Variants in RAD51AP2 observed in about 807,000 individuals in gnomAD.
The protein encoded by RAD51AP2 is RAD51 associated protein 2, also known as RAD51-associated protein 2.
RAD51AP2 carries 67 observed loss-of-function variants against 85.5 expected under a neutral mutation model. The observed-to-expected ratio is 0.78, with a 90% CI of 0.64 to 0.96. The LOEUF (loss-of-function observed/expected upper bound fraction) is 0.96. Among genes scored for constraint, RAD51AP2 ranks in the 40% least tolerant of loss-of-function variants. The pLI is 0.00. For missense variants in RAD51AP2, 1,307 were observed against 1,332.4 expected, an observed-to-expected ratio of 0.98 and a Z score of 0.30; for synonymous variants, 474 against 446.5, an observed-to-expected ratio of 1.06 and a Z score of -0.78.
chr2:17,531,240 A>G, the RAD51AP2 span, among the ~76,000 whole-genome samples: 3 of 152,228 alleles, frequency 2.0e-5, no homozygotes, highest in African/African-American at 7.2e-5. Flanking sequence ...ATAGGCAATA[A>G]TATGGCCATT....
rs1662616029 is a variant in RAD51AP2, at chr2:17,515,236, T to C, written c.3180A>G (p.Glu1060=). ...WKTVPNNGEQ[E]VPNESCYPSR... is the part of the protein sequence containing the mutation. ...TTGGATAACAACTCTCATTAGGAAC[T>C]TCCTGTTCTCCATTATTGGGTACAG... is the stretch of plus-strand genomic sequence containing the variant. The change falls in exon 1 of 3, where the codon GAA becomes GAG. Residue 1060 remains glutamate (E), a synonymous_variant. Coordinates refer to ENST00000399080, the MANE Select transcript of RAD51AP2 (RefSeq NM_001099218.3). The C allele has an allele frequency of 1.2e-6, 2 of 1,610,702 alleles. No homozygotes were observed. Among genetic ancestry groups the C allele is most frequent in the Non-Finnish European group, 1.7e-6 (2 of 1,178,624 alleles).
chr2:17,518,439 C>T lies in RAD51AP2; in HGVS notation c.-24G>A, dbSNP rs1226009740. On this transcript the variant is annotated 5_prime_UTR_variant, in exon 1 of 3. Transcript: ENST00000399080. The stretch of plus-strand genomic sequence containing the variant: ...ATGACAGCGAATGGAAAGGATCTGT[C>T]CGAGTCCCGGCGGGGCTCCAATCCC... The T allele has an allele frequency of 6.3e-7, 1 of 1,595,480 alleles. No homozygotes were observed. Among genetic ancestry groups the T allele is most frequent in the Non-Finnish European group, 8.5e-7 (1 of 1,172,676 alleles).
upstream of RAD51AP2, among the ~76,000 whole-genome samples, chr2:17,522,405 C>T (rs1392234558): frequency 6.6e-6 from 1 of 152,034 alleles, no homozygotes; most frequent in African/African-American, 2.4e-5. Context: ...CCAAAGTTTA[C>T]AGTCATCTTT....
chr2:17,536,778 T>C, the RAD51AP2 span, among the ~76,000 whole-genome samples: 1 of 152,190 alleles, frequency 6.6e-6, no homozygotes, highest in East Asian at 1.9e-4. Context: ...AGAATTTTTA[T>C]TCCCTTCTCT....
the RAD51AP2 span, among the ~76,000 whole-genome samples, chr2:17,534,617 C>T: frequency 2.0e-5 from 3 of 151,800 alleles, no homozygotes; most frequent in Admixed American, 6.6e-5. Flanking sequence ...GTTGATCTCA[C>T]CTATGAAATG....
Position 17,517,264 on chromosome 2 carries a change from G to A in RAD51AP2, c.1152C>T (p.Tyr384=), listed in dbSNP as rs762014163. The A allele has an allele frequency of 1.1e-5, 17 of 1,613,630 alleles. No homozygotes were observed. Among genetic ancestry groups the A allele is most frequent in the South Asian group, 4.4e-5 (4 of 91,074 alleles). The stretch of plus-strand genomic sequence containing the variant: ...GAGATTTTTCCAGCCTGGTAAGTAC[G>A]TAACTGTCCAGACATTCTGCTTCCT... ...NWEEAECLDS[Y]VLTRLEKSQN... The change falls in exon 1 of 3, where the codon TAC becomes TAT. Residue 384 remains tyrosine, a synonymous_variant. Coordinates refer to ENST00000399080, the MANE Select transcript of RAD51AP2 (RefSeq NM_001099218.3).
At chr2:17,519,779 G>GTATC (rs1048673306), upstream of RAD51AP2, among the ~76,000 whole-genome samples, 55 of 152,060 alleles carry the variant, frequency 3.6e-4, no homozygotes, top group African/African-American at 1.1e-3. Context: ...CTACTTCTGT[G>GTATC]TATCTTATGT....
rs367708993 is a variant in RAD51AP2, at chr2:17,515,626, T to C, written c.2790A>G (p.Gln930=). The C allele has an allele frequency of 8.4e-5, 136 of 1,611,998 alleles. No homozygotes were observed. Among genetic ancestry groups the C allele is most frequent in the Admixed American group, 1.5e-4 (9 of 59,776 alleles). ...KNDSALYINH[Q]FETGLSEGND... Reference sequence around the variant, plus strand: ...TCCCTTCACTCAGACCAGTTTCAAATTGATGATTAATATATAATGCAGAGT... The same window carrying C: ...TCCCTTCACTCAGACCAGTTTCAAACTGATGATTAATATATAATGCAGAGT... The change falls in exon 1 of 3, where the codon CAA becomes CAG. Residue 930 remains glutamine, a synonymous_variant. Coordinates refer to ENST00000399080, the MANE Select transcript of RAD51AP2 (RefSeq NM_001099218.3).
upstream of RAD51AP2, among the ~76,000 whole-genome samples, chr2:17,518,633 G>T (rs867579791): frequency 1.1e-4 from 14 of 124,920 alleles, no homozygotes; most frequent in African/African-American, 4.1e-4. Flanking sequence ...CCACCCACGC[G>T]CCCCGGTTGT....
the RAD51AP2 span, among the ~76,000 whole-genome samples, chr2:17,535,643 T>C: frequency 6.6e-6 from 1 of 152,060 alleles, no homozygotes; most frequent in African/African-American, 2.4e-5. Flanking sequence ...TCCAAGCTTC[T>C]AATTTAGAGG....
chr2:17,527,521 T>C, the RAD51AP2 span, among the ~76,000 whole-genome samples: 1 of 152,182 alleles, frequency 6.6e-6, no homozygotes, highest in Non-Finnish European at 1.5e-5. Context: ...ATTGGTCTAG[T>C]TTAGAAGACA....
chr2:17,514,538 G>GC (rs371390663), intron 1 of RAD51AP2, among the ~76,000 whole-genome samples: 12,137 of 151,920 alleles, frequency 0.08, 646 homozygotes, highest in Middle Eastern at 0.13. Context: ...GAGGGCGGCG[G>GC]GGGGGGTGGA....
intron 1 of RAD51AP2, among the ~76,000 whole-genome samples, chr2:17,514,916 T>C (rs530944901): frequency 2.6e-5 from 4 of 152,210 alleles, no homozygotes; most frequent in African/African-American, 7.2e-5. Flanking sequence ...AAACACCTTT[T>C]TTTTTTTTCT....
the RAD51AP2 span, among the ~76,000 whole-genome samples, chr2:17,534,679 T>C: frequency 6.6e-6 from 1 of 152,170 alleles, no homozygotes; most frequent in African/African-American, 2.4e-5. Flanking sequence ...AGTAAAATCA[T>C]TTAAAAGCTA....
chr2:17,520,332 A>G (rs1260081264), upstream of RAD51AP2, among the ~76,000 whole-genome samples: 4 of 152,164 alleles, frequency 2.6e-5, no homozygotes, highest in Non-Finnish European at 5.9e-5. Flanking sequence ...AATGCCACCT[A>G]GAAAATGAAC....
the RAD51AP2 span, among the ~76,000 whole-genome samples, chr2:17,526,902 T>G: frequency 6.6e-6 from 1 of 152,190 alleles, no homozygotes; most frequent in African/African-American, 2.4e-5. Flanking sequence ...TTGCACTTTT[T>G]TTAATGAAAA....
At position 17,517,900 on chromosome 2, in the gene RAD51AP2, A is replaced by T. The variant is rs1245101190; in HGVS notation, c.516T>A (p.Asn172Lys). 1.2e-6 allele frequency: 2 copies of T among 1,614,004 alleles called. No individual in the cohort carries two copies. The highest frequency in any genetic ancestry group is 3.3e-5 in the Admixed American group (2 of 60,008). ...TSIHDIHGIRNENRKQQFVQG... is the reference protein window; with the variant it reads ...TSIHDIHGIRKENRKQQFVQG... ...GGACAAACTGTTGTTTTCGATTCTC[A>T]TTTCTAATTCCATGTATATCGTGTA... Residue 172 changes from asparagine (N) to lysine (K), a missense_variant, in exon 1 of 3, where the codon AAT becomes AAA. By Grantham distance (94) the Asn-to-Lys change is moderately conservative (BLOSUM62 0). Coordinates refer to ENST00000399080, the MANE Select transcript of RAD51AP2 (RefSeq NM_001099218.3).
At chr2:17,537,521 T>TTCA in the RAD51AP2 span, among the ~76,000 whole-genome samples, 2 of 152,220 alleles carry the variant, frequency 1.3e-5, no homozygotes, top group African/African-American at 4.8e-5. Context: ...AATAATGACT[T>TTCA]TCAAGTTTTC....
chr2:17,524,087 A>G, the RAD51AP2 span, among the ~76,000 whole-genome samples: 1 of 151,898 alleles, frequency 6.6e-6, no homozygotes, highest in Non-Finnish European at 1.5e-5. Flanking sequence ...AGGATAACCA[A>G]CAATACATTG....
Sources: gnomAD v4.1 joint callset for allele counts (sites outside exome capture counted in the v4.1 genomes callset) on GRCh38, gnomAD v4.1.1 for gene constraint, MANE v1.5 for transcripts, NCBI Gene and HGNC (gene_info 2026-07-23, HGNC 2026-07-21) for gene names.